SENP6: variants seen among roughly 807,000 people sequenced by gnomAD.
The protein encoded by SENP6 is SUMO specific peptidase 6, also known as sentrin-specific protease 6.
A neutral mutation model predicts 134.5 loss-of-function variants in SENP6; 41 were observed. That is an observed-to-expected ratio of 0.30 (90% CI 0.24 to 0.40). The LOEUF is 0.40. SENP6 is among the 10% of genes least tolerant of loss of function. The probability of loss-of-function intolerance (pLI) is 1.00; values close to 1 mark genes in which losing one functional copy is unlikely to be tolerated. For synonymous variants in SENP6, 395 were observed against 429.8 expected, an observed-to-expected ratio of 0.92 and a Z score of 1.00; for missense variants, 1,248 against 1,312.5, an observed-to-expected ratio of 0.95 and a Z score of 0.76.
chr6:75,679,492 G>A (rs1357573599), intron 16 of SENP6: 2 of 152,574 alleles, frequency 1.3e-5, no homozygotes, highest in Admixed American at 6.5e-5. Flanking sequence ...TACAGTGTTA[G>A]AAGTTTATGG....
At chr6:75,702,381 C>T (rs746616938) in intron 18 of SENP6, among the ~76,000 whole-genome samples, 2 of 151,900 alleles carry the variant, frequency 1.3e-5, no homozygotes, top group Non-Finnish European at 2.9e-5. Flanking sequence ...CTGCGCCTGG[C>T]TAATTTTTGT....
intron 3 of SENP6, among the ~76,000 whole-genome samples, chr6:75,629,980 A>G (rs1768985016): frequency 6.6e-6 from 1 of 152,034 alleles, no homozygotes; most frequent in Non-Finnish European, 1.5e-5. Flanking sequence ...AACAATAGAT[A>G]TGGATTGGCC....
At chr6:75,707,828 G>A (rs1775505886) in intron 19 of SENP6, among the ~76,000 whole-genome samples, 2 of 151,878 alleles carry the variant, frequency 1.3e-5, no homozygotes, top group Admixed American at 1.3e-4. Flanking sequence ...GACCACAGGT[G>A]CCCACCACTA....
intron 1 of SENP6, among the ~76,000 whole-genome samples, chr6:75,618,925 G>T (rs1768053455): frequency 1.3e-5 from 2 of 149,396 alleles, no homozygotes; most frequent in Admixed American, 1.3e-4. Context: ...TCCTGTTCAT[G>T]ATATTTCTGA....
At position 75,625,617 on chromosome 6, in the gene SENP6, C is replaced by T. The variant is rs181841875; in HGVS notation, c.207+1657C>T. On this transcript the variant is annotated intron_variant, in intron 3 of 23. Coordinates refer to ENST00000447266, the MANE Select transcript of SENP6 (RefSeq NM_015571.4). ...GGCACAGTGGCTTATGCCAGTAATC[C>T]CAACACTTTGGGAGGCCAAAGCAGG... is the stretch of plus-strand genomic sequence containing the variant. Among the ~76,000 whole-genome samples the T allele has an allele frequency of 3.6e-4, 55 of 152,224 alleles. No homozygotes were observed. The East Asian group carries it at 0.01, about 29-fold the overall frequency.
intron 7 of SENP6, chr6:75,655,143 G>C (rs1771212251): frequency 6.6e-6 from 1 of 152,220 alleles, no homozygotes; most frequent in Non-Finnish European, 1.5e-5. Flanking sequence ...CTCTATTGGG[G>C]ATGGTCGTCC....
chr6:75,686,224 C>CT (rs1209200924), intron 16 of SENP6, among the ~76,000 whole-genome samples: 1 of 151,516 alleles, frequency 6.6e-6, no homozygotes. Flanking sequence ...CAACCCCTGC[C>CT]TTTTTTTGTT....
chr6:75,634,840 A>G lies in SENP6; in HGVS notation c.458+29A>G, dbSNP rs371550363. 1.2e-5 allele frequency: 17 copies of G among 1,395,880 alleles called. No individual in the cohort carries two copies. In the African/African-American group the frequency reaches 1.7e-4, roughly 14 times the overall value. The allele number at this position is 1,395,880 out of a possible 1,614,324, so 86.5% of individuals were successfully genotyped here. A position where few individuals can be genotyped will look rare whatever the true frequency, so the allele number is the denominator to read the frequency against. On this transcript the variant is annotated intron_variant, in intron 5 of 23. Transcript: ENST00000447266. ...AGAATTCTAATTGTCTTTGGTTAGT[A>G]TATACATGGCATCTTCTTCAATAGG...
chr6:75,700,721 A>C (rs529787206), intron 18 of SENP6, among the ~76,000 whole-genome samples: 68 of 152,280 alleles, frequency 4.5e-4, no homozygotes, highest in African/African-American at 1.6e-3. Context: ...CCAACTCCTG[A>C]GCTCAAGCGA....
At chr6:75,707,484 C>A (rs970369537) in intron 19 of SENP6, among the ~76,000 whole-genome samples, 1 of 150,740 alleles carries the variant, frequency 6.6e-6, no homozygotes, top group African/African-American at 2.4e-5. Flanking sequence ...CCAGCTCAAC[C>A]CCCTGAGTAG....
chr6:75,614,761 A>G (rs1040010857), intron 1 of SENP6, among the ~76,000 whole-genome samples: 4 of 152,162 alleles, frequency 2.6e-5, no homozygotes, highest in Admixed American at 6.5e-5. Flanking sequence ...GACCTTCACT[A>G]TGTACTTGAA....
intron 5 of SENP6, among the ~76,000 whole-genome samples, chr6:75,636,949 T>G (rs1207989838): frequency 6.6e-6 from 1 of 151,696 alleles, no homozygotes; most frequent in Non-Finnish European, 1.5e-5. Flanking sequence ...GTCTCAGTCA[T>G]AGCTCACTGC....
In SENP6 at chr6:75,613,658, CT is replaced by C. The variant is rs557150890; in HGVS notation, c.53-7862del. ...ATGATAATGAAAATGAAAGCACTAG[CT>C]TTTTTTTTTTTCTTTAACTCTTTGA... On this transcript the variant is annotated intron_variant, in intron 1 of 23. Transcript: ENST00000447266. Among the ~76,000 whole-genome samples the C allele has an allele frequency of 3.5e-3, 513 of 145,444 alleles. 3 individuals carry two copies. Among genetic ancestry groups the C allele is most frequent in the South Asian group, 0.03 (138 of 4,604 alleles).
chr6:75,664,914 G>A (rs529219474), intron 9 of SENP6, among the ~76,000 whole-genome samples: 1 of 152,290 alleles, frequency 6.6e-6, no homozygotes, highest in South Asian at 2.1e-4. Context: ...ATAAACAAGT[G>A]AACATCCGCA....
chr6:75,681,002 A>G (rs1165074903), intron 16 of SENP6, among the ~76,000 whole-genome samples: 2 of 152,258 alleles, frequency 1.3e-5, no homozygotes, highest in East Asian at 3.8e-4. Flanking sequence ...TGCCTTACCC[A>G]GAATCAGGAA....
chr6:75,610,531 GT>G (rs879564609), intron 1 of SENP6, among the ~76,000 whole-genome samples: 3 of 152,184 alleles, frequency 2.0e-5, no homozygotes, highest in African/African-American at 7.2e-5. Flanking sequence ...AAACAGGGTT[GT>G]TTTTGGACCC....
At chr6:75,654,229 C>A (rs923335384) in intron 7 of SENP6, among the ~76,000 whole-genome samples, 2 of 152,144 alleles carry the variant, frequency 1.3e-5, no homozygotes, top group Non-Finnish European at 2.9e-5. Flanking sequence ...CAGAGTGAGA[C>A]CCTATCTCAA....
At chr6:75,613,080 C>G (rs1767581929) in intron 1 of SENP6, among the ~76,000 whole-genome samples, 1 of 151,466 alleles carries the variant, frequency 6.6e-6, no homozygotes, top group Non-Finnish European at 1.5e-5. Context: ...TGCCACTGCA[C>G]TCCAGCCTGC....
chr6:75,694,672 T>C (rs1279051306), intron 16 of SENP6, among the ~76,000 whole-genome samples: 2 of 152,218 alleles, frequency 1.3e-5, no homozygotes, highest in East Asian at 1.9e-4. Context: ...TAGATTCTTT[T>C]AGTTGGCATG....
Sources: gnomAD v4.1 joint callset for allele counts (sites outside exome capture counted in the v4.1 genomes callset) on GRCh38, gnomAD v4.1.1 for gene constraint, MANE v1.5 for transcripts, NCBI Gene and HGNC (gene_info 2026-07-23, HGNC 2026-07-21) for gene names.